MAST2: variants seen among roughly 807,000 people sequenced by gnomAD.
MAST2 encodes the protein microtubule associated serine/threonine kinase 2, also known as microtubule-associated serine/threonine-protein kinase 2.
MAST2 carries 70 observed loss-of-function variants against 147.4 expected under a neutral mutation model. The observed-to-expected ratio is 0.47, with a 90% CI of 0.39 to 0.58. The LOEUF is 0.58. Among genes scored for constraint, MAST2 ranks in the 20% least tolerant of loss-of-function variants. MAST2 has a pLI of 0.00. For missense variants in MAST2, 2,080 were observed against 2,302.3 expected (o/e 0.90, Z 1.98); for synonymous variants, 869 against 896.8 (o/e 0.97, Z 0.55).
chr1:45,960,423 C>T (rs968820162), intron 5 of MAST2, among the ~76,000 whole-genome samples: 7 of 151,964 alleles, frequency 4.6e-5, no homozygotes, highest in African/African-American at 7.3e-5. Flanking sequence ...GTGGGAGCAT[C>T]GCCTGATCAC....
intron 4 of MAST2, among the ~76,000 whole-genome samples, chr1:45,888,302 C>T (rs1570558535): frequency 2.0e-5 from 3 of 152,282 alleles, no homozygotes; most frequent in East Asian, 1.9e-4. Context: ...CTCTTCCTTA[C>T]ACTCACAAGT....
Position 46,023,137 on chromosome 1 carries a change from GAGCTGAC to G in MAST2, c.1486-89_1486-83del. On this transcript the variant is annotated intron_variant, in intron 13 of 28. Transcript: ENST00000361297. This position sits in a 1 kb window ranked among gnomAD's most constrained non-coding sequence, Gnocchi z 4.9. ...GAAGAATGAGCAGGAGACTGCACTA[GAGCTGAC>G]AGCTGAGAAGATGCTAGAGCCACAG... is the stretch of plus-strand genomic sequence containing the variant. 7.7e-7 allele frequency: 1 copy of G among 1,290,382 alleles called. No individual in the cohort carries two copies. The highest frequency in any genetic ancestry group is 2.3e-5 in the East Asian group (1 of 43,282). The allele number at this position is 1,290,382 out of a possible 1,614,324, so 79.9% of individuals were successfully genotyped here. A position where few individuals can be genotyped will look rare whatever the true frequency, so the allele number is the denominator to read the frequency against.
At chr1:45,897,144 G>C (rs987982012) in intron 4 of MAST2, among the ~76,000 whole-genome samples, 1 of 152,182 alleles carries the variant, frequency 6.6e-6, no homozygotes. Context: ...ACCTCTGAAA[G>C]GGACATTAGA....
intron 7 of MAST2, 127 bp from the exon 8 acceptor site, chr1:46,006,114 G>C: frequency 5.8e-6 from 5 of 863,984 alleles, no homozygotes; most frequent in Non-Finnish European, 9.0e-6. Flanking sequence ...TAAGGGAGTA[G>C]GGGAAAGAAG....
rs761721730 is a variant in MAST2 at position 45,829,570 on chromosome 1, A to T, written c.457A>T (p.Thr153Ser). 62 of 1,613,016 alleles carry T rather than the reference A, an allele frequency of 3.8e-5. No homozygotes were observed. Among genetic ancestry groups the T allele is most frequent in the Non-Finnish European group, 5.1e-5 (60 of 1,179,654 alleles). Residue 153 changes from threonine to serine, a missense_variant, in exon 3 of 29, where the codon ACT becomes TCT. Thr to Ser is a moderately conservative substitution (Grantham distance 58). This residue lies in a region of MAST2 where 569 missense variants were observed against 642.5 expected (regional missense o/e 0.89). Coordinates refer to ENST00000361297, the MANE Select transcript of MAST2 (RefSeq NM_015112.3). ...CCTTGGACAGTCTGCACCTTCTCTT[A>T]CTGCTGGCCTGGTAAGTGTTCATAA... The part of the protein sequence containing the change: ...QSLGQSAPSL[T>S]AGLKELSLPR...
chr1:45,923,863 C>T (rs1270274659), intron 4 of MAST2, among the ~76,000 whole-genome samples: 1 of 152,106 alleles, frequency 6.6e-6, no homozygotes, highest in Non-Finnish European at 1.5e-5. Context: ...TTATTACCTT[C>T]TTGTAAAAAC....
intron 5 of MAST2, among the ~76,000 whole-genome samples, chr1:45,987,903 C>T (rs1255088756): frequency 6.7e-6 from 1 of 148,234 alleles, no homozygotes; most frequent in Non-Finnish European, 1.5e-5. Context: ...TCTCAAAGTG[C>T]TGGGAGTTAG....
chr1:45,931,246 CT>C (rs2148712776), intron 4 of MAST2, among the ~76,000 whole-genome samples: 1 of 152,112 alleles, frequency 6.6e-6, no homozygotes, highest in South Asian at 2.1e-4. Context: ...AACCTCAATA[CT>C]TTTGAAGATT....
chr1:45,948,155 A>G (rs565207156), intron 4 of MAST2, among the ~76,000 whole-genome samples: 4 of 152,350 alleles, frequency 2.6e-5, no homozygotes, highest in South Asian at 4.1e-4. Flanking sequence ...CCCATTTACA[A>G]TTGCCACAAA....
chr1:45,961,772 TATAG>T (rs1463755236), intron 5 of MAST2, among the ~76,000 whole-genome samples: 1 of 151,872 alleles, frequency 6.6e-6, no homozygotes, highest in Non-Finnish European at 1.5e-5. Context: ...TCTTTTTTTT[TATAG>T]ATAATTTTAT....
At chr1:45,939,287 T>C (rs777181211) in intron 4 of MAST2, among the ~76,000 whole-genome samples, 24 of 152,208 alleles carry the variant, frequency 1.6e-4, no homozygotes, top group Non-Finnish European at 2.8e-4. Context: ...TATTGAATCC[T>C]CTTGACACCT....
At chr1:45,833,574 CTG>C (rs1476158680) in intron 3 of MAST2, among the ~76,000 whole-genome samples, 5 of 152,190 alleles carry the variant, frequency 3.3e-5, no homozygotes, top group African/African-American at 9.6e-5. Context: ...CATATGATAA[CTG>C]TATTTAATCA....
At chr1:45,892,696 C>G (rs1200544235) in intron 4 of MAST2, among the ~76,000 whole-genome samples, 1 of 152,202 alleles carries the variant, frequency 6.6e-6, no homozygotes, top group Non-Finnish European at 1.5e-5. Flanking sequence ...AAGACACAGA[C>G]TCTGGCTTCT....
At chr1:46,003,175 T>C (rs1356444080) in intron 7 of MAST2, among the ~76,000 whole-genome samples, 3 of 152,158 alleles carry the variant, frequency 2.0e-5, no homozygotes, top group Admixed American at 6.6e-5. Context: ...AGACCAGATA[T>C]GGGGACTCCT....
intron 3 of MAST2, among the ~76,000 whole-genome samples, chr1:45,878,640 A>G (rs905370577): frequency 5.9e-5 from 9 of 152,176 alleles, no homozygotes; most frequent in African/African-American, 1.2e-4. Flanking sequence ...GATTAATAAT[A>G]ATTTTACCAA....
intron 1 of MAST2, among the ~76,000 whole-genome samples, chr1:45,808,910 T>C (rs1644214563): frequency 6.6e-6 from 1 of 152,026 alleles, no homozygotes; most frequent in African/African-American, 2.4e-5. Context: ...GTTAGAAGAG[T>C]CAGTTAGTTG....
chr1:45,950,756 A>G (rs1427255584), intron 4 of MAST2, among the ~76,000 whole-genome samples: 1 of 152,204 alleles, frequency 6.6e-6, no homozygotes, highest in Admixed American at 6.5e-5. Flanking sequence ...GTGAAAATCA[A>G]TAGATAAAAG....
intron 4 of MAST2, among the ~76,000 whole-genome samples, chr1:45,957,505 GTTC>G (rs1387493015): frequency 7.9e-5 from 12 of 152,120 alleles, no homozygotes; most frequent in Admixed American, 4.6e-4. Flanking sequence ...AACTGTACGT[GTTC>G]TTCTTTTTCT....
intron 4 of MAST2, among the ~76,000 whole-genome samples, chr1:45,937,366 A>G (rs1656384247): frequency 6.6e-6 from 1 of 151,862 alleles, no homozygotes; most frequent in Non-Finnish European, 1.5e-5. Context: ...CCTGGGCCCA[A>G]GCGATCCTCC....
Sources: gnomAD v4.1 joint callset for allele counts (sites outside exome capture counted in the v4.1 genomes callset) on GRCh38, gnomAD v4.1.1 for gene constraint, gnomAD v4.1.1 regional missense constraint, Gnocchi (gnomAD v3.1) non-coding constraint, MANE v1.5 for transcripts, NCBI Gene and HGNC (gene_info 2026-07-23, HGNC 2026-07-21) for gene names.